Variants in HOXA3 observed in about 807,000 individuals in gnomAD.
The protein encoded by HOXA3 is homeobox protein Hox-A3.
In HOXA3, 8 loss-of-function variants were observed where a neutral mutation model predicts 30.3. The ratio of observed to expected loss-of-function variants is 0.26; its 90% confidence interval spans 0.15 to 0.48. The LOEUF is 0.48. Among genes scored for constraint, HOXA3 ranks in the 20% least tolerant of loss-of-function variants. HOXA3 has a pLI of 0.99. For missense variants in HOXA3, 653 were observed against 614.4 expected, an observed-to-expected ratio of 1.06 and a Z score of -0.66; for synonymous variants, 323 against 273.1, an observed-to-expected ratio of 1.18 and a Z score of -1.80.
intron 2 of HOXA3, among the ~76,000 whole-genome samples, chr7:27,138,617 CCA>C (rs1466038264): frequency 6.6e-6 from 1 of 152,184 alleles, no homozygotes; most frequent in African/African-American, 2.4e-5. Context: ...CCAGGACAGG[CCA>C]CAGTCCCCAG....
chr7:27,114,829 T>TATATATTATATATATA (rs1562714474), intron 4 of HOXA3, among the ~76,000 whole-genome samples: 1 of 64,142 alleles, frequency 1.6e-5, no homozygotes, highest in East Asian at 4.7e-4. Flanking sequence ...ATATATATAA[T>TATATATTATATATATA]ATATATTATA....
chr7:27,147,645 C>T (rs944658409), intron 1 of HOXA3: 5 of 1,614,232 alleles, frequency 3.1e-6, no homozygotes, highest in Non-Finnish European at 4.2e-6. Context: ...GGAAGGGCCT[C>T]AGCGCGTCAT....
intron 4 of HOXA3, among the ~76,000 whole-genome samples, chr7:27,111,001 G>A (rs575190298): frequency 6.6e-6 from 1 of 152,310 alleles, no homozygotes; most frequent in South Asian, 2.1e-4. Flanking sequence ...GAATGAGTGA[G>A]GGCTGCAAGC....
chr7:27,145,452 GTT>G, intron 1 of HOXA3: 5 of 557,880 alleles, frequency 9.0e-6, no homozygotes, highest in Non-Finnish European at 5.8e-6. Context: ...GTGAGGTTTT[GTT>G]TTGTTTTGTT....
intron 3 of HOXA3, among the ~76,000 whole-genome samples, chr7:27,124,900 C>T (rs1370870330): frequency 1.3e-5 from 2 of 152,112 alleles, no homozygotes; most frequent in Non-Finnish European, 2.9e-5. Context: ...GGATTATGAC[C>T]GTTGTGGATA....
chr7:27,133,995 C>A (rs1409237624), intron 2 of HOXA3: 1 of 152,212 alleles, frequency 6.6e-6, no homozygotes, highest in Admixed American at 6.5e-5. Flanking sequence ...CCAGGTCACT[C>A]CTTCTCAGGA....
intron 1 of HOXA3, chr7:27,150,745 C>T: frequency 6.5e-6 from 1 of 152,848 alleles, no homozygotes; most frequent in Non-Finnish European, 1.5e-5. Context: ...CTCCATGGTG[C>T]TGGAGTGGGG....
chr7:27,134,946 A>G (rs771553823), intron 2 of HOXA3, among the ~76,000 whole-genome samples: 4 of 152,200 alleles, frequency 2.6e-5, no homozygotes, highest in Non-Finnish European at 5.9e-5. Flanking sequence ...CTGTTTTCCT[A>G]TACTGATCCC....
chr7:27,116,879 G>A (rs1784754054), intron 4 of HOXA3, among the ~76,000 whole-genome samples: 1 of 152,190 alleles, frequency 6.6e-6, no homozygotes, highest in Admixed American at 6.5e-5. Flanking sequence ...CCGGCACTGG[G>A]GAGGGCAGAA....
Position 27,108,322 on chromosome 7 carries a change from G to C in HOXA3, c.925C>G (p.Pro309Ala). The C allele has an allele frequency of 6.6e-7, 1 of 1,517,546 alleles. No individual in the cohort carries two copies. Among genetic ancestry groups the C allele is most frequent in the Non-Finnish European group, 8.9e-7 (1 of 1,125,114 alleles). 94.0% of individuals were successfully genotyped at this position (1,517,546 alleles called of 1,614,324 possible). A position where few individuals can be genotyped will look rare whatever the true frequency, so the allele number is the denominator to read the frequency against. ...KPPQGTYGLP[P>A]ASYPASLPSC... ...GGCAGGGACGCAGGGTAGGAGGCGG[G>C]GGGCAGCCCGTAGGTACCCTGGGGG... is the stretch of plus-strand genomic sequence containing the variant. Residue 309 changes from proline to alanine, a missense_variant, in exon 6 of 6, where the codon CCC becomes GCC. Around this residue, in one of 3 missense-constraint regions of HOXA3, gnomAD observed 330 missense variants for 274.4 expected, o/e 1.20. Coordinates refer to ENST00000612286, the MANE Select transcript of HOXA3 (RefSeq NM_153631.3). This position sits in a 1 kb window ranked among gnomAD's most constrained non-coding sequence, Gnocchi z 5.0.
At chr7:27,129,357 G>A in intron 2 of HOXA3, 1 of 1,614,196 alleles carries the variant, frequency 6.2e-7, no homozygotes. Context: ...TCTTGGTGTT[G>A]GGCAGTTTGT....
intron 3 of HOXA3, chr7:27,124,137 A>T (rs1029871561): frequency 6.6e-6 from 1 of 152,210 alleles, no homozygotes; most frequent in Non-Finnish European, 1.5e-5. Context: ...TGTACCCCAT[A>T]AATCGTTCAG....
At chr7:27,129,857 T>C (rs889405848) in intron 2 of HOXA3, 2 of 604,650 alleles carry the variant, frequency 3.3e-6, no homozygotes, top group Non-Finnish European at 5.8e-6. Flanking sequence ...CAATTAAATT[T>C]ATGGGGGCTA....
chr7:27,127,173 G>A (rs1785318157), intron 2 of HOXA3, 103 bp from the exon 3 acceptor site: 3 of 152,198 alleles, frequency 2.0e-5, no homozygotes, highest in African/African-American at 7.2e-5. Flanking sequence ...AGTGTGTGTA[G>A]TAGGGGGAGG....
intron 1 of HOXA3, among the ~76,000 whole-genome samples, chr7:27,145,169 T>G (rs1282654750): frequency 6.6e-6 from 1 of 152,184 alleles, no homozygotes; most frequent in Non-Finnish European, 1.5e-5. Context: ...ACCCCCTCTT[T>G]CCACTGGCCA....
intron 2 of HOXA3, among the ~76,000 whole-genome samples, chr7:27,131,739 A>G (rs907542089): frequency 6.6e-6 from 1 of 152,218 alleles, no homozygotes; most frequent in Non-Finnish European, 1.5e-5. Flanking sequence ...ATCCCCAAAC[A>G]AAAACAAGCT....
chr7:27,150,144 C>CATTTG, intron 1 of HOXA3: 1 of 1,170 alleles, frequency 8.5e-4, no homozygotes, highest in South Asian at 0.021. Context: ...CATATCATTT[C>CATTTG]TCCAACCAGA....
Position 27,108,320 on chromosome 7 carries a change from G to T in HOXA3, c.927C>A (p.Pro309=). The change falls in exon 6 of 6, where the codon CCC becomes CCA. Residue 309 remains proline, a synonymous_variant. Transcript: ENST00000612286. The surrounding 1 kb of genome is among the most constrained non-coding windows in gnomAD (Gnocchi z 5.0). The stretch of plus-strand genomic sequence containing the variant: ...TGGGCAGGGACGCAGGGTAGGAGGC[G>T]GGGGGCAGCCCGTAGGTACCCTGGG... ...KPPQGTYGLP[P]ASYPASLPSC... 1 of 1,517,096 alleles carries T rather than the reference G, an allele frequency of 6.6e-7. No homozygotes were observed. The allele number at this position is 1,517,096 out of a possible 1,614,324, so 94.0% of individuals were successfully genotyped here. A position where few individuals can be genotyped will look rare whatever the true frequency, so the allele number is the denominator to read the frequency against.
Position 27,107,640 on chromosome 7 carries a change from A to C in HOXA3, c.*275T>G. ...TTTCTGATCAAAGAGTGGAGAAGGT[A>C]AAGGGTGCAGGGCCAGTGGCCTATC... On this transcript the variant is annotated 3_prime_UTR_variant, in exon 6 of 6. Transcript: ENST00000612286. 1 of 351,672 alleles carries C rather than the reference A, an allele frequency of 2.8e-6. No homozygotes were observed. The highest frequency in any genetic ancestry group is 4.3e-5 in the East Asian group (1 of 23,508). 21.8% of individuals were successfully genotyped at this position (351,672 alleles called of 1,614,324 possible). A position where few individuals can be genotyped will look rare whatever the true frequency, so the allele number is the denominator to read the frequency against.
Sources: gnomAD v4.1 joint callset for allele counts (sites outside exome capture counted in the v4.1 genomes callset) on GRCh38, gnomAD v4.1.1 for gene constraint, gnomAD v4.1.1 regional missense constraint, Gnocchi (gnomAD v3.1) non-coding constraint, MANE v1.5 for transcripts, NCBI Gene and HGNC (gene_info 2026-07-23, HGNC 2026-07-21) for gene names.